Variants in ITGAM observed in about 807,000 individuals in gnomAD.
ITGAM encodes the protein integrin alpha-M.
Under a neutral mutation model 137.5 loss-of-function variants are expected in ITGAM, and 79 were observed. The ratio of observed to expected loss-of-function variants is 0.57; its 90% CI spans 0.48 to 0.69. ITGAM has a LOEUF of 0.69. ITGAM is among the 30% of genes least tolerant of loss of function. ITGAM has a pLI of 0.00. For missense variants in ITGAM, 1,343 were observed against 1,483.5 expected (o/e 0.91, Z 1.56); for synonymous variants, 583 against 592.3 (o/e 0.98, Z 0.23).
At chr16:31,282,567 C>G (rs975874965) in intron 12 of ITGAM, among the ~76,000 whole-genome samples, 1 of 152,100 alleles carries the variant, frequency 6.6e-6, no homozygotes, top group African/African-American at 2.4e-5. Context: ...TTTCCATTTG[C>G]TTGGTAGATC....
Position 31,331,686 on chromosome 16 carries a change from C to T in ITGAM, c.3438C>T (p.Pro1146=). Residue 1146 remains proline (P), a synonymous_variant, in exon 30 of 30, where the codon CCC becomes CCT. Transcript: ENST00000544665. ...QYKDMMSEGG[P]PGAEPQ is the part of the protein sequence containing the mutation. ...AGGACATGATGAGTGAAGGGGGTCCCCCGGGGGCCGAACCCCAGTAGCGGC... is the reference window on the plus strand; with the variant it reads ...AGGACATGATGAGTGAAGGGGGTCCTCCGGGGGCCGAACCCCAGTAGCGGC... 1 of 1,608,458 alleles carries T rather than the reference C, an allele frequency of 6.2e-7. No individual in the cohort carries two copies. Among genetic ancestry groups the T allele is most frequent in the Admixed American group, 1.7e-5 (1 of 59,310 alleles).
intron 2 of ITGAM, among the ~76,000 whole-genome samples, chr16:31,264,545 G>A (rs1389146354): frequency 6.6e-6 from 1 of 152,134 alleles, no homozygotes; most frequent in Non-Finnish European, 1.5e-5. Flanking sequence ...TTGGGAGACT[G>A]AGGTGGAAGG....
chr16:31,313,072 G>T (rs771319393), intron 14 of ITGAM, among the ~76,000 whole-genome samples: 1 of 152,026 alleles, frequency 6.6e-6, no homozygotes, highest in Non-Finnish European at 1.5e-5. Context: ...ACAAAAATTA[G>T]CTGGGCTTGG....
At chr16:31,260,584 A>G (rs1185343152) in intron 1 of ITGAM, among the ~76,000 whole-genome samples, 1 of 152,242 alleles carries the variant, frequency 6.6e-6, no homozygotes, top group Non-Finnish European at 1.5e-5. Context: ...AAAGGGAAGG[A>G]AATACTTGAG....
At chr16:31,284,665 T>C (rs1387227718) in intron 12 of ITGAM, among the ~76,000 whole-genome samples, 3 of 152,146 alleles carry the variant, frequency 2.0e-5, no homozygotes, top group Admixed American at 6.6e-5. Flanking sequence ...CCCAACCCCT[T>C]GCACTTCCCA....
chr16:31,321,758 CT>C, intron 16 of ITGAM, 131 bp downstream of exon 16: 1 of 920,988 alleles, frequency 1.1e-6, no homozygotes, highest in Non-Finnish European at 1.6e-6. Flanking sequence ...TTCTCCAAGC[CT>C]TACCTGAGTG....
intron 14 of ITGAM, among the ~76,000 whole-genome samples, chr16:31,300,861 G>A (rs564875913): frequency 4.5e-4 from 69 of 152,264 alleles, no homozygotes; most frequent in African/African-American, 1.4e-3. Flanking sequence ...GCAGTGAGCC[G>A]AGATTGTGCC....
At chr16:31,298,700 C>G (rs1228339290) in intron 14 of ITGAM, among the ~76,000 whole-genome samples, 1 of 152,236 alleles carries the variant, frequency 6.6e-6, no homozygotes, top group Non-Finnish European at 1.5e-5. Context: ...GCACACTTCA[C>G]AGATGTGGAA....
At chr16:31,321,431 A>G in intron 15 of ITGAM, 33 bp from the exon 16 acceptor site, 1 of 1,613,668 alleles carries the variant, frequency 6.2e-7, no homozygotes, top group African/African-American at 1.3e-5. Flanking sequence ...TTCCTGTTTG[A>G]AGGTCCCTGA....
At chr16:31,270,714 T>C (rs1309896307) in intron 5 of ITGAM, among the ~76,000 whole-genome samples, 2 of 99,308 alleles carry the variant, frequency 2.0e-5, no homozygotes, top group Non-Finnish European at 4.1e-5. Flanking sequence ...TATATATATA[T>C]ATATATATAT....
At chr16:31,280,521 T>C (rs889601034) in intron 12 of ITGAM, among the ~76,000 whole-genome samples, 1 of 152,216 alleles carries the variant, frequency 6.6e-6, no homozygotes, top group Non-Finnish European at 1.5e-5. Context: ...AGTTCACTCA[T>C]GATTTAGCTC....
chr16:31,318,110 T>C (rs895314568), intron 14 of ITGAM, among the ~76,000 whole-genome samples: 1 of 152,194 alleles, frequency 6.6e-6, no homozygotes, highest in Non-Finnish European at 1.5e-5. Flanking sequence ...TATAGATCTG[T>C]TTAAACTTTC....
chr16:31,302,408 TTTTCTTTC>T (rs140903387), intron 14 of ITGAM, among the ~76,000 whole-genome samples: 16 of 130,874 alleles, frequency 1.2e-4, no homozygotes, highest in African/African-American at 4.2e-4. Flanking sequence ...TTCTTTTCTT[TTTTCTTTC>T]TTTCTTTCTT....
intron 14 of ITGAM, among the ~76,000 whole-genome samples, chr16:31,316,894 T>G (rs1363774675): frequency 1.3e-5 from 2 of 152,200 alleles, no homozygotes; most frequent in African/African-American, 4.8e-5. Flanking sequence ...CTTTTTCAGA[T>G]AGTTTGTTGT....
intron 2 of ITGAM, among the ~76,000 whole-genome samples, chr16:31,262,247 C>CTTCCTTCCTTCCTTCT (rs935815073): frequency 6.6e-6 from 1 of 151,654 alleles, no homozygotes; most frequent in Admixed American, 6.6e-5. Context: ...TCCTCCCTTC[C>CTTCCTTCCTTCCTTCT]TTCCTTCCTT....
intron 12 of ITGAM, among the ~76,000 whole-genome samples, chr16:31,279,104 A>G (rs2079941148): frequency 6.6e-6 from 1 of 152,164 alleles, no homozygotes; most frequent in Non-Finnish European, 1.5e-5. Context: ...TCCATGGTGT[A>G]TATGTGCCAC....
intron 14 of ITGAM, among the ~76,000 whole-genome samples, chr16:31,298,770 T>C (rs1052447800): frequency 6.6e-6 from 1 of 152,258 alleles, no homozygotes; most frequent in Non-Finnish European, 1.5e-5. Context: ...AATGCTCTGC[T>C]ATTGCCATCT....
At chr16:31,299,577 G>A (rs1180497784) in intron 14 of ITGAM, among the ~76,000 whole-genome samples, 1 of 152,076 alleles carries the variant, frequency 6.6e-6, no homozygotes, top group Non-Finnish European at 1.5e-5. Context: ...CCAAAGTGCT[G>A]GGATTACAGG....
Position 31,331,215 on chromosome 16 carries a change from C to T in ITGAM, c.3327C>T (p.Ile1109=), listed in dbSNP as rs1427147576. 1 of 1,613,530 alleles carries T rather than the reference C, an allele frequency of 6.2e-7. No homozygotes were observed. Among genetic ancestry groups the T allele is most frequent in the South Asian group, 1.1e-5 (1 of 91,066 alleles). ...PFEVPNPLPL[I]VGSSVGGLLL... ...AGGTCCCCAACCCCCTGCCGCTCAT[C>T]GTGGGCAGCTCTGTCGGGGGACTGC... Residue 1109 remains isoleucine (I), a synonymous_variant, in exon 29 of 30, where the codon ATC becomes ATT. Coordinates refer to ENST00000544665, the MANE Select transcript of ITGAM (RefSeq NM_000632.4).
Sources: allele counts gnomAD v4.1 joint callset (sites outside exome capture counted in the v4.1 genomes callset), GRCh38; gene constraint gnomAD v4.1.1; transcripts MANE v1.5; gene names NCBI Gene and HGNC (gene_info 2026-07-23, HGNC 2026-07-21).